The following SNX30 variants were observed in gnomAD, a reference collection of about 807,000 sequenced individuals.
SNX30 encodes the protein sorting nexin-30.
In SNX30, 24 loss-of-function variants were observed where a neutral mutation model predicts 46.4. That is an observed-to-expected ratio of 0.52 (90% CI 0.37 to 0.73). The LOEUF (loss-of-function observed/expected upper bound fraction) is 0.73, where lower values mean the gene tolerates loss of function less well. Among genes scored for constraint, SNX30 ranks in the 30% least tolerant of loss-of-function variants. The pLI, the probability that SNX30 is intolerant of heterozygous loss-of-function variation, is 0.00. For synonymous variants in SNX30, 189 were observed against 211.5 expected, an observed-to-expected ratio of 0.89 and a Z score of 0.92; for missense variants, 533 against 555.7, an observed-to-expected ratio of 0.96 and a Z score of 0.41.
chr9:112,755,874 A>C (rs745623172), intron 1 of SNX30, among the ~76,000 whole-genome samples: 12 of 151,930 alleles, frequency 7.9e-5, no homozygotes, highest in Non-Finnish European at 1.8e-4. Flanking sequence ...GCAGAAGGAG[A>C]GCACTCCTTT....
At chr9:112,751,429 G>T (rs1280839423) in intron 1 of SNX30, among the ~76,000 whole-genome samples, 1 of 152,230 alleles carries the variant, frequency 6.6e-6, no homozygotes, top group African/African-American at 2.4e-5. Flanking sequence ...TGTTGGAGCG[G>T]GAGGCGTGTG....
At chr9:112,794,573 G>A (rs564025397) in intron 1 of SNX30, among the ~76,000 whole-genome samples, 14 of 152,274 alleles carry the variant, frequency 9.2e-5, no homozygotes, top group Admixed American at 2.0e-4. Context: ...GCCTTGAGAG[G>A]CTTTGTCAGG....
intron 1 of SNX30, among the ~76,000 whole-genome samples, chr9:112,763,703 G>A (rs1177015715): frequency 2.0e-5 from 3 of 151,982 alleles, no homozygotes; most frequent in Non-Finnish European, 4.4e-5. Context: ...ACAAAAATTA[G>A]CTGGGCATGG....
At chr9:112,811,508 C>T (rs560119505) in intron 2 of SNX30, among the ~76,000 whole-genome samples, 1 of 152,138 alleles carries the variant, frequency 6.6e-6, no homozygotes, top group Non-Finnish European at 1.5e-5. Flanking sequence ...GCTGGATGAC[C>T]GATTAGACTG....
At chr9:112,819,353 G>A (rs987512616) in intron 3 of SNX30, among the ~76,000 whole-genome samples, 7 of 134,516 alleles carry the variant, frequency 5.2e-5, no homozygotes, top group Non-Finnish European at 1.1e-4. Flanking sequence ...TGCAACCTCT[G>A]CCCCCGGAGT....
intron 2 of SNX30, among the ~76,000 whole-genome samples, chr9:112,805,445 A>G (rs547899011): frequency 2.6e-4 from 39 of 152,160 alleles, no homozygotes; most frequent in Non-Finnish European, 4.6e-4. Flanking sequence ...GATTTAATTG[A>G]TTAATTAAAT....
At chr9:112,848,622 C>A (rs1226358306) in intron 6 of SNX30, among the ~76,000 whole-genome samples, 1 of 152,204 alleles carries the variant, frequency 6.6e-6, no homozygotes, top group East Asian at 1.9e-4. Context: ...TTGCTGGGAG[C>A]CTTTTGTGCT....
intron 1 of SNX30, among the ~76,000 whole-genome samples, chr9:112,756,349 C>T (rs1178472659): frequency 6.6e-6 from 1 of 152,004 alleles, no homozygotes; most frequent in African/African-American, 2.4e-5. Context: ...ATCATGTCCT[C>T]ACCACGGGGC....
chr9:112,837,247 C>G (rs1840771692), intron 5 of SNX30, among the ~76,000 whole-genome samples: 1 of 151,704 alleles, frequency 6.6e-6, no homozygotes, highest in African/African-American at 2.4e-5. Context: ...GTTCCCTCTA[C>G]TTGACCCACT....
At chr9:112,831,170 C>A (rs997621892) in intron 4 of SNX30, among the ~76,000 whole-genome samples, 1 of 148,060 alleles carries the variant, frequency 6.8e-6, no homozygotes, top group Non-Finnish European at 1.5e-5. Flanking sequence ...CGGTTTTGAT[C>A]TTTCAGAAGC....
intron 2 of SNX30, among the ~76,000 whole-genome samples, chr9:112,815,471 A>G (rs7872308): frequency 0.88 from 133,182 of 151,902 alleles, 58,528 homozygotes; most frequent in Middle Eastern, 0.91. Flanking sequence ...AGCAATTCTT[A>G]TGCCTCAGCT....
At chr9:112,796,967 C>T (rs1840117402) in intron 1 of SNX30, among the ~76,000 whole-genome samples, 3 of 152,236 alleles carry the variant, frequency 2.0e-5, no homozygotes, top group Middle Eastern at 3.4e-3. Flanking sequence ...GAAAGCACCC[C>T]CTCCTCCCCA....
chr9:112,837,892 T>G (rs995572052), intron 5 of SNX30, among the ~76,000 whole-genome samples: 1 of 140,156 alleles, frequency 7.1e-6, no homozygotes. Context: ...CTTTTCTTTT[T>G]TTTTTTTTTT....
In SNX30 at chr9:112,852,343, G is replaced by A. The variant is rs1047929831; in HGVS notation, c.1101+1398G>A. ...TAACAATGATTTACAAGGTATTTAT[G>A]TTGTATTAGGTATTATAAGTAATCT... On this transcript the variant is annotated intron_variant, in intron 7 of 8. Transcript: ENST00000374232. Among the ~76,000 whole-genome samples, 118 of 152,280 alleles carry A rather than the reference G, an allele frequency of 7.7e-4. 1 individual carries two copies. The highest frequency in any genetic ancestry group is 2.5e-3 in the African/African-American group (103 of 41,558).
At chr9:112,881,283 G>A (rs1307375413) in intron 5 of SNX30, 1 of 152,168 alleles carries the variant, frequency 6.6e-6, no homozygotes, top group Non-Finnish European at 1.5e-5. Context: ...ACCTGGAGTT[G>A]CTAAAATGGG....
chr9:112,771,023 AAAAC>A (rs1286613731), intron 1 of SNX30, among the ~76,000 whole-genome samples: 1 of 152,004 alleles, frequency 6.6e-6, no homozygotes, highest in Non-Finnish European at 1.5e-5. Context: ...AAACAAACAA[AAAAC>A]AAACTAGTAG....
intron 1 of SNX30, among the ~76,000 whole-genome samples, chr9:112,762,094 T>C (rs950061073): frequency 2.0e-5 from 3 of 152,110 alleles, no homozygotes; most frequent in Non-Finnish European, 4.4e-5. Context: ...CGCTGATGCA[T>C]GTATGAGCAA....
At chr9:112,794,474 G>C (rs527781454) in intron 1 of SNX30, among the ~76,000 whole-genome samples, 3 of 152,122 alleles carry the variant, frequency 2.0e-5, no homozygotes, top group Non-Finnish European at 4.4e-5. Flanking sequence ...AGCATCTGCT[G>C]TGTACCTGGC....
chr9:112,868,735 G>C, intron 8 of SNX30, 49 bp from the exon 9 acceptor site: 2 of 1,608,858 alleles, frequency 1.2e-6, no homozygotes, highest in Non-Finnish European at 1.7e-6. Context: ...AAGCTGACCC[G>C]AAATCGGAAA....
Sources: allele counts gnomAD v4.1 joint callset (sites outside exome capture counted in the v4.1 genomes callset), GRCh38; gene constraint gnomAD v4.1.1; transcripts MANE v1.5; gene names NCBI Gene and HGNC (gene_info 2026-07-23, HGNC 2026-07-21).